Variants in PLAAT3 observed in about 807,000 individuals in gnomAD.
PLAAT3 encodes the protein Ca-independent phospholipase A1/2.
In PLAAT3, 21 loss-of-function variants were observed where a neutral mutation model predicts 16.7. The observed-to-expected ratio is 1.26, with a 90% CI of 0.89 to 1.81. The LOEUF is 1.81. PLAAT3 is among the 40% of genes most tolerant of loss of function. PLAAT3 has a pLI of 0.00. For missense variants in PLAAT3, 219 were observed against 213.7 expected (o/e 1.02, Z -0.16); for synonymous variants, 76 against 81.7 (o/e 0.93, Z 0.38).
intron 4 of PLAAT3, among the ~76,000 whole-genome samples, chr11:63,585,278 C>T (rs753286978): frequency 6.6e-6 from 1 of 152,176 alleles, no homozygotes; most frequent in Non-Finnish European, 1.5e-5. Context: ...CCGCCTCGGC[C>T]TCTCAAAGTG....
At chr11:63,591,257 C>T (rs567991299) in intron 3 of PLAAT3, among the ~76,000 whole-genome samples, 1 of 152,276 alleles carries the variant, frequency 6.6e-6, no homozygotes, top group African/African-American at 2.4e-5. Flanking sequence ...TGGTGTGCAC[C>T]TGTGATCCCA....
chr11:63,585,389 C>A (rs1377807627), intron 4 of PLAAT3, among the ~76,000 whole-genome samples: 4 of 152,178 alleles, frequency 2.6e-5, no homozygotes, highest in Admixed American at 2.0e-4. Context: ...GTCACTAGTT[C>A]TCAACTGGAG....
At chr11:63,605,982 A>T (rs905724191) in intron 2 of PLAAT3, among the ~76,000 whole-genome samples, 1 of 152,200 alleles carries the variant, frequency 6.6e-6, no homozygotes, top group Non-Finnish European at 1.5e-5. Flanking sequence ...CCAAGCCTGC[A>T]GTCTTGATCC....
At chr11:63,587,501 TA>T (rs1251606224) in intron 4 of PLAAT3, among the ~76,000 whole-genome samples, 1 of 151,410 alleles carries the variant, frequency 6.6e-6, no homozygotes, top group Non-Finnish European at 1.5e-5. Flanking sequence ...GAGGATAAAA[TA>T]AAGATATTTT....
intron 4 of PLAAT3, among the ~76,000 whole-genome samples, chr11:63,581,990 C>T (rs568792269): frequency 6.6e-6 from 1 of 152,316 alleles, no homozygotes; most frequent in Admixed American, 6.5e-5. Flanking sequence ...CCCAGTGAAA[C>T]TCATTTTAGA....
At chr11:63,611,859 C>A (rs979469042) in intron 2 of PLAAT3, among the ~76,000 whole-genome samples, 2 of 152,212 alleles carry the variant, frequency 1.3e-5, no homozygotes, top group Non-Finnish European at 2.9e-5. Context: ...GTATGATGGG[C>A]CGGGCGCGGT....
At chr11:63,615,060 A>ATGTGTG (rs1425382097), upstream of PLAAT3, among the ~76,000 whole-genome samples, 91 of 10,472 alleles carry the variant, frequency 8.7e-3, 7 homozygotes, top group African/African-American at 0.01. Context: ...ATGTGTATAT[A>ATGTGTG]TATGTGTGTA....
chr11:63,599,157 A>G (rs79004441), intron 2 of PLAAT3, among the ~76,000 whole-genome samples: 93 of 152,096 alleles, frequency 6.1e-4, no homozygotes, highest in African/African-American at 2.2e-3. Context: ...CAACCTTTAA[A>G]CCCCTTTAAT....
At chr11:63,600,506 G>A (rs1276996224) in intron 2 of PLAAT3, among the ~76,000 whole-genome samples, 1 of 152,176 alleles carries the variant, frequency 6.6e-6, no homozygotes, top group Non-Finnish European at 1.5e-5. Flanking sequence ...GTTGAGGAGA[G>A]GGACTGACTA....
intron 2 of PLAAT3, among the ~76,000 whole-genome samples, chr11:63,605,909 T>C (rs542992398): frequency 6.6e-6 from 1 of 152,230 alleles, no homozygotes; most frequent in African/African-American, 2.4e-5. Flanking sequence ...TCCCAAGCGA[T>C]GTCAGGGCAA....
chr11:63,574,689 C>T lies in PLAAT3; in HGVS notation c.*256G>A. On this transcript the variant is annotated 3_prime_UTR_variant, in exon 5 of 5. Transcript: ENST00000415826. Reference sequence around the variant, plus strand: ...TCTGCCTCCTGCAATGCAAAGAACACAGCACGCAAAAAGAAAGTGAAAGAC... The same window carrying T: ...TCTGCCTCCTGCAATGCAAAGAACATAGCACGCAAAAAGAAAGTGAAAGAC... 1 of 475,460 alleles carries T rather than the reference C, an allele frequency of 2.1e-6. No homozygotes were observed. Among genetic ancestry groups the T allele is most frequent in the Non-Finnish European group, 3.8e-6 (1 of 262,418 alleles). 29.5% of individuals were successfully genotyped at this position (475,460 alleles called of 1,614,324 possible). A position where few individuals can be genotyped will look rare whatever the true frequency, so the allele number is the denominator to read the frequency against.
At chr11:63,587,557 C>CTTT (rs202174219) in intron 4 of PLAAT3, among the ~76,000 whole-genome samples, 2 of 136,754 alleles carry the variant, frequency 1.5e-5, no homozygotes, top group African/African-American at 2.7e-5. Flanking sequence ...TTTCTTGGGT[C>CTTT]TTTTTTTTTT....
intron 3 of PLAAT3, among the ~76,000 whole-genome samples, chr11:63,594,756 C>T (rs1938241395): frequency 6.6e-6 from 1 of 151,976 alleles, no homozygotes; most frequent in South Asian, 2.1e-4. Flanking sequence ...GATGTGAGGC[C>T]GGGCGTTTGA....
chr11:63,578,536 G>A (rs1275016698), intron 4 of PLAAT3, among the ~76,000 whole-genome samples: 1 of 152,032 alleles, frequency 6.6e-6, no homozygotes, highest in African/African-American at 2.4e-5. Flanking sequence ...ATAGACCAAT[G>A]GAACAGAACA....
At chr11:63,594,415 G>A (rs1365843422) in intron 3 of PLAAT3, among the ~76,000 whole-genome samples, 13 of 152,078 alleles carry the variant, frequency 8.5e-5, no homozygotes, top group Non-Finnish European at 1.9e-4. Context: ...AGGGCCCAGA[G>A]GGAGAGGAAG....
At chr11:63,604,248 C>G (rs7101608) in intron 2 of PLAAT3, among the ~76,000 whole-genome samples, 79,331 of 151,930 alleles carry the variant, frequency 0.52, 21,272 homozygotes, top group African/African-American at 0.64. Context: ...CGCAACAGTG[C>G]GTGGTTGGGA....
chr11:63,581,249 G>A (rs1052342629), intron 4 of PLAAT3, among the ~76,000 whole-genome samples: 8 of 152,176 alleles, frequency 5.3e-5, no homozygotes, highest in African/African-American at 1.2e-4. Flanking sequence ...GACTGCCTGC[G>A]GGGTCGGGCA....
intron 3 of PLAAT3, among the ~76,000 whole-genome samples, chr11:63,596,924 C>T (rs2134416518): frequency 6.6e-6 from 1 of 151,754 alleles, no homozygotes; most frequent in Admixed American, 6.6e-5. Flanking sequence ...GATGAAAATC[C>T]ATCTCTACTA....
chr11:63,613,178 G>A (rs185154016), intron 2 of PLAAT3, among the ~76,000 whole-genome samples: 388 of 152,282 alleles, frequency 2.5e-3, no homozygotes, highest in Non-Finnish European at 4.8e-3. Context: ...TTGCGAGACC[G>A]AGGCGGGCGG....
Sources: allele counts gnomAD v4.1 joint callset (sites outside exome capture counted in the v4.1 genomes callset), GRCh38; gene constraint gnomAD v4.1.1; transcripts MANE v1.5; gene names NCBI Gene and HGNC (gene_info 2026-07-23, HGNC 2026-07-21).